ZNF713: variants seen among roughly 807,000 people sequenced by gnomAD.
ZNF713 encodes zinc finger protein 713.
ZNF713 carries 21 observed loss-of-function variants against 28.7 expected under a neutral mutation model. The observed-to-expected ratio is 0.73, with a 90% confidence interval of 0.52 to 1.05. ZNF713 has a LOEUF of 1.05. Ranked by LOEUF, ZNF713 falls within the 50% of genes least tolerant of loss-of-function variation. The pLI, the probability that ZNF713 is intolerant of heterozygous loss-of-function variation, is 0.00. For missense variants in ZNF713, 458 were observed against 532.4 expected (o/e 0.86, Z 1.37); for synonymous variants, 167 against 178.0 (o/e 0.94, Z 0.49).
At chr7:55,925,648 T>G (rs1786083235) in intron 6 of ZNF713, among the ~76,000 whole-genome samples, 1 of 152,076 alleles carries the variant, frequency 6.6e-6, no homozygotes, top group Non-Finnish European at 1.5e-5. Flanking sequence ...AAAGAAAACC[T>G]TGTTCCTGTT....
At chr7:55,898,272 T>C (rs1785509854) in intron 1 of ZNF713, among the ~76,000 whole-genome samples, 2 of 152,106 alleles carry the variant, frequency 1.3e-5, no homozygotes, top group African/African-American at 4.8e-5. Flanking sequence ...AAGGAAACAA[T>C]CAATAAATGA....
chr7:55,895,578 C>T (rs1785459344), intron 1 of ZNF713, among the ~76,000 whole-genome samples: 1 of 148,858 alleles, frequency 6.7e-6, no homozygotes, highest in African/African-American at 2.4e-5. Context: ...AAGCGATTCT[C>T]CTGCCTCAGC....
chr7:55,939,193 G>T lies in ZNF713; in HGVS notation c.519G>T (p.Lys173Asn). 6.2e-7 allele frequency: 1 copy of T among 1,613,948 alleles called. No individual in the cohort carries two copies. Among genetic ancestry groups the T allele is most frequent in the Non-Finnish European group, 8.5e-7 (1 of 1,179,982 alleles). Residue 173 changes from lysine to asparagine, a missense_variant, in exon 7 of 7, where the codon AAG (lysine) becomes AAT (asparagine). Transcript: ENST00000429591. ...YLGQVTLTHK[K>N]ITQERSLECN... Reference sequence around the variant, plus strand: ...GACAAGTAACTTTGACCCACAAAAAGATCACACAGGAGAGAAGCCTTGAGT... The same window carrying T: ...GACAAGTAACTTTGACCCACAAAAATATCACACAGGAGAGAAGCCTTGAGT...
chr7:55,922,116 G>A (rs1356523912), intron 4 of ZNF713, among the ~76,000 whole-genome samples: 3 of 151,880 alleles, frequency 2.0e-5, no homozygotes, highest in Non-Finnish European at 2.9e-5. Flanking sequence ...CAGTAGAGAC[G>A]GGGTTTCACC....
At chr7:55,889,857 T>TA (rs1275473329) in intron 1 of ZNF713, among the ~76,000 whole-genome samples, 1 of 152,200 alleles carries the variant, frequency 6.6e-6, no homozygotes, top group East Asian at 1.9e-4. Flanking sequence ...AATTTTACCT[T>TA]AGAGTATGCA....
intron 1 of ZNF713, among the ~76,000 whole-genome samples, chr7:55,890,388 TTCAGTGAGCCGAGA>T: frequency 6.6e-6 from 1 of 150,878 alleles, no homozygotes; most frequent in Non-Finnish European, 1.5e-5. Context: ...AGGCAGAGGT[TTCAGTGAGCCGAGA>T]TCACGCCATT....
In ZNF713 at chr7:55,939,112, C is replaced by G. The variant is rs200367578; in HGVS notation, c.438C>G (p.Leu146=). The G allele has an allele frequency of 5.0e-6, 8 of 1,613,928 alleles. No individual in the cohort carries two copies. In the Admixed American group the frequency reaches 6.7e-5, roughly 13 times the overall value. Residue 146 remains leucine (L), a synonymous_variant, in exon 7 of 7, where the codon CTC becomes CTG. Transcript: ENST00000429591. ...TCTGGTACTCCATCCTAGGAGGACT[C>G]TGGGATTTTGATTACCATCCAGAGT... is the stretch of plus-strand genomic sequence containing the variant. ...DSFWYSILGG[L]WDFDYHPEFN...
chr7:55,892,854 A>G (rs1785412467), intron 1 of ZNF713, among the ~76,000 whole-genome samples: 2 of 146,580 alleles, frequency 1.4e-5, no homozygotes, highest in African/African-American at 5.1e-5. Flanking sequence ...CTGGGCAACA[A>G]GAGTGAAATT....
chr7:55,889,810 A>G (rs148379460), intron 1 of ZNF713, among the ~76,000 whole-genome samples: 85 of 152,330 alleles, frequency 5.6e-4, no homozygotes, highest in African/African-American at 2.0e-3. Context: ...GTCATTTTCA[A>G]CTGATTGGAA....
intron 1 of ZNF713, among the ~76,000 whole-genome samples, chr7:55,893,974 CAGG>C (rs1785431698): frequency 6.6e-6 from 1 of 152,126 alleles, no homozygotes; most frequent in African/African-American, 2.4e-5. Context: ...GAAAGGAGGG[CAGG>C]AGAAGGCCAG....
chr7:55,912,775 CACTTTT>C (rs1562741155), intron 4 of ZNF713, 52 bp downstream of exon 4: 2 of 1,471,798 alleles, frequency 1.4e-6, no homozygotes, highest in Non-Finnish European at 9.4e-7. Context: ...AGAATGTGGG[CACTTTT>C]ACTTTTTCAT....
At chr7:55,920,014 G>C (rs1785965096) in intron 4 of ZNF713, among the ~76,000 whole-genome samples, 1 of 152,070 alleles carries the variant, frequency 6.6e-6, no homozygotes, top group African/African-American at 2.4e-5. Context: ...CCACCATCTG[G>C]CTGTTCCTCC....
chr7:55,896,595 G>GTA (rs1785476557), intron 1 of ZNF713, among the ~76,000 whole-genome samples: 3 of 131,202 alleles, frequency 2.3e-5, no homozygotes, highest in African/African-American at 5.5e-5. Flanking sequence ...ATGTGTGTGT[G>GTA]TGTGTGTATA....
chr7:55,920,513 A>C (rs542343237), intron 4 of ZNF713, among the ~76,000 whole-genome samples: 54 of 152,340 alleles, frequency 3.5e-4, no homozygotes, highest in African/African-American at 1.3e-3. Context: ...ACCTCTCTTC[A>C]ATTCTCTGAA....
At chr7:55,927,161 C>A (rs1786112351) in intron 6 of ZNF713, among the ~76,000 whole-genome samples, 1 of 151,382 alleles carries the variant, frequency 6.6e-6, no homozygotes. Flanking sequence ...AAAAAAGAAG[C>A]AGCAGCTAGC....
chr7:55,913,382 T>C (rs982981839), intron 4 of ZNF713, among the ~76,000 whole-genome samples: 6 of 151,706 alleles, frequency 4.0e-5, no homozygotes, highest in African/African-American at 1.2e-4. Context: ...TTTGTATTTT[T>C]AGTAGAGATG....
rs751605206 is a variant in ZNF713 at position 55,939,983 on chromosome 7, A to G, written c.1309A>G (p.Ser437Gly). The stretch of plus-strand genomic sequence containing the variant: ...TAAATGTGAGCAAACTGTTCGCCAC[A>G]GTCCTTCATTTAGCAGCACATAACT... ...EYKCEQTVRH[S>G]PSFSST The change falls in exon 7 of 7, where the codon AGT becomes GGT. Residue 437 changes from serine (S) to glycine (G), a missense_variant. By Grantham distance (56) the Ser-to-Gly change is moderately conservative. Coordinates refer to ENST00000429591, the MANE Select transcript of ZNF713 (RefSeq NM_182633.3). 1.4e-5 allele frequency: 23 copies of G among 1,592,870 alleles called. No homozygotes were observed. The South Asian group carries it at 2.3e-4, about 16-fold the overall frequency.
Position 55,938,998 on chromosome 7 carries a change from C to T in ZNF713, c.324C>T (p.Pro108=), listed in dbSNP as rs370609381. The T allele has an allele frequency of 2.3e-5, 37 of 1,580,210 alleles. No individual in the cohort carries two copies. The highest frequency in any genetic ancestry group is 6.8e-5 in the African/African-American group (5 of 73,058). ...LDTHPDGENR[P]EIKKSTTSQN... is the part of the protein sequence containing the mutation. ...TTCTTTTAGATGGAGAAAACAGACC[C>T]GAAATCAAAAAGTCAACCACAAGCC... Residue 108 remains proline, a synonymous_variant, in exon 7 of 7, where the codon CCC becomes CCT. Coordinates refer to ENST00000429591, the MANE Select transcript of ZNF713 (RefSeq NM_182633.3).
chr7:55,926,808 G>A (rs1786105053), intron 6 of ZNF713, among the ~76,000 whole-genome samples: 1 of 152,168 alleles, frequency 6.6e-6, no homozygotes, highest in Admixed American at 6.6e-5. Context: ...AAAAATTAGA[G>A]CTAGCAAGTG....
Sources: allele counts gnomAD v4.1 joint callset (sites outside exome capture counted in the v4.1 genomes callset), GRCh38; gene constraint gnomAD v4.1.1; transcripts MANE v1.5; gene names NCBI Gene and HGNC (gene_info 2026-07-23, HGNC 2026-07-21).